The following FRMPD1 variants were observed in gnomAD, a reference collection of about 807,000 sequenced individuals.
The protein encoded by FRMPD1 is FERM and PDZ domain containing 1.
FRMPD1 carries 76 observed loss-of-function variants against 117.8 expected under a neutral mutation model. That is an observed-to-expected ratio of 0.65 (90% confidence interval 0.54 to 0.78). FRMPD1 has a LOEUF of 0.78. Ranked by LOEUF, FRMPD1 falls within the 30% of genes least tolerant of loss-of-function variation. The pLI is 0.00. For missense variants in FRMPD1, 1,786 were observed against 1,964.5 expected, an observed-to-expected ratio of 0.91 and a Z score of 1.72; for synonymous variants, 783 against 770.4, an observed-to-expected ratio of 1.02 and a Z score of -0.27.
rs139604823 is a variant in FRMPD1, at chr9:37,669,645, A to G, written c.-5+18551A>G. The G allele has an allele frequency of 4.6e-5, 7 of 152,232 alleles. No individual in the cohort carries two copies. In the East Asian group the frequency reaches 7.7e-4, roughly 17 times the overall value. 9.4% of individuals were successfully genotyped at this position (152,232 alleles called of 1,614,324 possible). On this transcript the variant is annotated intron_variant, in intron 1 of 15. Coordinates refer to ENST00000377765, the MANE Select transcript of FRMPD1 (RefSeq NM_014907.3). ...TGATTCCCTTTTTCTGCTTCTCTGC[A>G]TTACTACTATACACACACACCTAGC... is the stretch of plus-strand genomic sequence containing the variant.
At chr9:37,689,553 A>T (rs376136560) in intron 1 of FRMPD1, among the ~76,000 whole-genome samples, 1 of 152,160 alleles carries the variant, frequency 6.6e-6, no homozygotes, top group Non-Finnish European at 1.5e-5. Flanking sequence ...TAGGTCTTTT[A>T]TACAGGTGTT....
intron 1 of FRMPD1, among the ~76,000 whole-genome samples, chr9:37,652,553 C>T (rs1820711039): frequency 6.6e-6 from 1 of 152,162 alleles, no homozygotes; most frequent in Non-Finnish European, 1.5e-5. Flanking sequence ...AAGTTTCTAG[C>T]ATTATGAAAT....
chr9:37,739,224 C>G (rs1343888946), intron 14 of FRMPD1, among the ~76,000 whole-genome samples: 1 of 152,102 alleles, frequency 6.6e-6, no homozygotes, highest in East Asian at 1.9e-4. Context: ...TCCTTTGAGG[C>G]AAGGGAGGAC....
chr9:37,744,690 T>C lies in FRMPD1; in HGVS notation c.2658T>C (p.Ser886=), dbSNP rs1474340920. The change falls in exon 16 of 16, where the codon TCT becomes TCC. Residue 886 remains serine (S), a synonymous_variant. Transcript: ENST00000377765. The part of the protein sequence containing the change: ...ALGAPSPTVS[S]LQDMQGEPGL... ...GTGCACCCTCCCCAACTGTGTCCTC[T>C]CTGCAGGACATGCAGGGTGAGCCTG... 1.2e-6 allele frequency: 2 copies of C among 1,613,862 alleles called. No individual in the cohort carries two copies. Among genetic ancestry groups the C allele is most frequent in the Non-Finnish European group, 1.7e-6 (2 of 1,179,838 alleles).
At chr9:37,728,071 A>G (rs982572484) in intron 7 of FRMPD1, 1 of 152,260 alleles carries the variant, frequency 6.6e-6, no homozygotes, top group African/African-American at 2.4e-5. Context: ...AGAGATTAGC[A>G]GTTGGCATGC....
At chr9:37,633,031 A>ACT in the FRMPD1 span, among the ~76,000 whole-genome samples, 1 of 145,750 alleles carries the variant, frequency 6.9e-6, no homozygotes, top group East Asian at 2.0e-4. Context: ...ATATATATAT[A>ACT]TTTTTCTTTT....
At chr9:37,668,694 A>G (rs1821247972) in intron 1 of FRMPD1, 1 of 152,170 alleles carries the variant, frequency 6.6e-6, no homozygotes, top group African/African-American at 2.4e-5. Context: ...TACCTTCTCC[A>G]TATCTTAAAA....
chr9:37,663,813 G>A (rs6476656), intron 1 of FRMPD1, among the ~76,000 whole-genome samples: 79,246 of 152,036 alleles, frequency 0.52, 21,249 homozygotes, highest in East Asian at 0.73. Context: ...GTATACTTCA[G>A]ATTATCTCCA....
chr9:37,723,952 T>C (rs535224785), intron 6 of FRMPD1, among the ~76,000 whole-genome samples: 3 of 151,856 alleles, frequency 2.0e-5, no homozygotes, highest in East Asian at 3.9e-4. Context: ...TGAGCCAAGA[T>C]TGCACCACTG....
chr9:37,604,386 A>G, the FRMPD1 span, among the ~76,000 whole-genome samples: 2,624 of 152,340 alleles, frequency 0.017, 78 homozygotes, highest in African/African-American at 0.06. Context: ...GAAGAAAATA[A>G]CAGCGTGATT....
At chr9:37,742,573 G>T (rs184901066) in intron 15 of FRMPD1, among the ~76,000 whole-genome samples, 3 of 152,172 alleles carry the variant, frequency 2.0e-5, no homozygotes, top group Non-Finnish European at 4.4e-5. Context: ...ATGTGACTGG[G>T]CATCAGAATC....
intron 1 of FRMPD1, among the ~76,000 whole-genome samples, chr9:37,660,443 G>T (rs1010758819): frequency 6.6e-6 from 1 of 152,114 alleles, no homozygotes; most frequent in African/African-American, 2.4e-5. Flanking sequence ...GTCATCATCC[G>T]ATGGAGCTGC....
intron 14 of FRMPD1, among the ~76,000 whole-genome samples, chr9:37,739,017 T>G (rs145041730): frequency 6.7e-6 from 1 of 149,796 alleles, no homozygotes; most frequent in Non-Finnish European, 1.5e-5. Context: ...AAAAGGGAGA[T>G]GGTGAAAAGA....
At chr9:37,682,678 ACT>A (rs549776071) in intron 1 of FRMPD1, among the ~76,000 whole-genome samples, 191 of 152,242 alleles carry the variant, frequency 1.3e-3, no homozygotes, top group Non-Finnish European at 2.3e-3. Context: ...TGAACCAGAA[ACT>A]CTGTGGCTCA....
At chr9:37,639,084 A>G in the FRMPD1 span, among the ~76,000 whole-genome samples, 1 of 152,240 alleles carries the variant, frequency 6.6e-6, no homozygotes, top group South Asian at 2.1e-4. Context: ...AAAAAAGTGC[A>G]CATACATTTT....
upstream of FRMPD1, among the ~76,000 whole-genome samples, chr9:37,646,651 G>A (rs118054511): frequency 9.5e-4 from 145 of 152,312 alleles, no homozygotes; most frequent in Non-Finnish European, 1.9e-3. Flanking sequence ...GAAAATGACA[G>A]GGTCGAGGTT....
In FRMPD1 at chr9:37,745,152, C is replaced by T; in HGVS notation, c.3120C>T (p.Asp1040=). The T allele has an allele frequency of 6.2e-7, 1 of 1,614,104 alleles. No individual in the cohort carries two copies. The highest frequency in any genetic ancestry group is 1.7e-5 in the Admixed American group (1 of 60,034). ...GACTAAATAATGTCTCTCAAGGAGA[C>T]ACACTAGAGCTCCAGTTGGAGCCCC... ...NPGLNNVSQG[D]TLELQLEPHV... The change falls in exon 16 of 16, where the codon GAC becomes GAT. Residue 1040 remains aspartate, a synonymous_variant. Coordinates refer to ENST00000377765, the MANE Select transcript of FRMPD1 (RefSeq NM_014907.3).
chr9:37,729,665 A>G (rs930939138), intron 7 of FRMPD1, 63 bp from the exon 8 acceptor site: 1 of 1,567,972 alleles, frequency 6.4e-7, no homozygotes. Context: ...GAGGAATGGC[A>G]GGAAGGCCAG....
At chr9:37,743,520 CTTTTTTTTTTTT>C (rs531949141) in intron 15 of FRMPD1, among the ~76,000 whole-genome samples, 479 of 40,852 alleles carry the variant, frequency 0.012, 3 homozygotes, top group Admixed American at 0.019. Flanking sequence ...AATGGCTCTG[CTTTTTTTTTTTT>C]TTTTTTTTTT....
Sources: gnomAD v4.1 joint callset for allele counts (sites outside exome capture counted in the v4.1 genomes callset) on GRCh38, gnomAD v4.1.1 for gene constraint, MANE v1.5 for transcripts, NCBI Gene and HGNC (gene_info 2026-07-23, HGNC 2026-07-21) for gene names.